MAD1L1: variants seen among roughly 807,000 people sequenced by gnomAD.
MAD1L1 encodes mitotic arrest deficient 1 like 1, also known as mitotic spindle assembly checkpoint protein MAD1.
Under a neutral mutation model 96.9 loss-of-function variants are expected in MAD1L1, and 95 were observed. The observed-to-expected ratio is 0.98, with a 90% CI of 0.83 to 1.16. MAD1L1 has a LOEUF of 1.16. Among genes scored for constraint, MAD1L1 ranks in the 50% most tolerant of loss-of-function variants. The pLI is 0.00. For synonymous variants in MAD1L1, 473 were observed against 396.6 expected, an observed-to-expected ratio of 1.19 and a Z score of -2.29; for missense variants, 1,007 against 954.4, an observed-to-expected ratio of 1.06 and a Z score of -0.73.
chr7:2,134,685 T>C (rs933214000), intron 11 of MAD1L1, among the ~76,000 whole-genome samples: 4 of 152,224 alleles, frequency 2.6e-5, no homozygotes, highest in Admixed American at 2.0e-4. Context: ...CAGAGCCCAA[T>C]TGTGTCCAGC....
At chr7:1,885,157 C>T (rs565706496) in intron 18 of MAD1L1, among the ~76,000 whole-genome samples, 158 of 152,232 alleles carry the variant, frequency 1.0e-3, no homozygotes, top group African/African-American at 3.6e-3. Context: ...GAAAGGACCT[C>T]GCTGCTCCAG....
At chr7:2,127,143 A>G (rs1562712113) in intron 11 of MAD1L1, among the ~76,000 whole-genome samples, 4 of 152,136 alleles carry the variant, frequency 2.6e-5, no homozygotes, top group Non-Finnish European at 5.9e-5. Flanking sequence ...TGCTGGCCTG[A>G]CCCGCTTGTT....
At chr7:1,972,203 C>T (rs1322378395) in intron 15 of MAD1L1, among the ~76,000 whole-genome samples, 2 of 152,192 alleles carry the variant, frequency 1.3e-5, no homozygotes, top group African/African-American at 4.8e-5. Flanking sequence ...GGAAGGCTCG[C>T]CCCGCTGTCC....
At chr7:1,886,832 G>C (rs1045556750) in intron 18 of MAD1L1, among the ~76,000 whole-genome samples, 1 of 152,250 alleles carries the variant, frequency 6.6e-6, no homozygotes, top group African/African-American at 2.4e-5. Flanking sequence ...ACAGGTCTGT[G>C]GCCCTAGCCC....
At chr7:2,070,924 T>C (rs1584250370) in intron 11 of MAD1L1, among the ~76,000 whole-genome samples, 1 of 152,066 alleles carries the variant, frequency 6.6e-6, no homozygotes, top group African/African-American at 2.4e-5. Flanking sequence ...TGGGCAGTGG[T>C]TTGGGGAAGG....
intron 12 of MAD1L1, among the ~76,000 whole-genome samples, chr7:2,052,253 C>T (rs558944829): frequency 6.6e-6 from 1 of 152,338 alleles, no homozygotes; most frequent in African/African-American, 2.4e-5. Context: ...ACTCCATATG[C>T]CAACAGGCTT....
intron 15 of MAD1L1, among the ~76,000 whole-genome samples, chr7:1,964,132 C>G (rs915954458): frequency 1.3e-5 from 2 of 152,184 alleles, no homozygotes; most frequent in Non-Finnish European, 2.9e-5. Context: ...GTGTTCCTGA[C>G]CCTCGCCTCC....
At chr7:1,920,721 A>T (rs1788735331) in intron 17 of MAD1L1, among the ~76,000 whole-genome samples, 1 of 152,196 alleles carries the variant, frequency 6.6e-6, no homozygotes, top group Non-Finnish European at 1.5e-5. Flanking sequence ...TCTTCCCAAC[A>T]CTTAGAAATG....
At chr7:2,189,299 C>G (rs1002561896) in intron 10 of MAD1L1, among the ~76,000 whole-genome samples, 9 of 152,214 alleles carry the variant, frequency 5.9e-5, no homozygotes, top group Non-Finnish European at 1.3e-4. Flanking sequence ...ACCACAGGAT[C>G]CAGCAGGTTG....
intron 10 of MAD1L1, among the ~76,000 whole-genome samples, chr7:2,162,995 C>G (rs1790241256): frequency 6.6e-6 from 1 of 152,144 alleles, no homozygotes; most frequent in Non-Finnish European, 1.5e-5. Flanking sequence ...TAATCTTTCA[C>G]TATTTGCTTT....
In MAD1L1 at chr7:1,950,343, C is replaced by T. The variant is rs554995993; in HGVS notation, c.1596+7286G>A. Among the ~76,000 whole-genome samples, 3 of 152,340 alleles carry T rather than the reference C, an allele frequency of 2.0e-5. No homozygotes were observed. The South Asian group carries it at 6.2e-4, about 32-fold the overall frequency. ...CCGTCCGTCCAGTGGCTCTGCCGCCCTCCTGCACGTCCCGCGCCACCTCGA... is the reference window on the plus strand; with the variant it reads ...CCGTCCGTCCAGTGGCTCTGCCGCCTTCCTGCACGTCCCGCGCCACCTCGA... On this transcript the variant is annotated intron_variant, in intron 16 of 18. Transcript: ENST00000265854.
chr7:2,169,203 G>A (rs1432979772), intron 10 of MAD1L1, among the ~76,000 whole-genome samples: 1 of 152,160 alleles, frequency 6.6e-6, no homozygotes, highest in Non-Finnish European at 1.5e-5. Context: ...TTCGCCTGCA[G>A]GACTGCACCT....
At chr7:1,844,584 G>A (rs937550983) in intron 18 of MAD1L1, among the ~76,000 whole-genome samples, 1 of 152,164 alleles carries the variant, frequency 6.6e-6, no homozygotes, top group African/African-American at 2.4e-5. Context: ...GCTGGCCCAG[G>A]AAGGTGCTCC....
intron 13 of MAD1L1, among the ~76,000 whole-genome samples, chr7:2,008,773 G>GT (rs1000587774): frequency 7.8e-6 from 1 of 127,398 alleles, no homozygotes; most frequent in East Asian, 2.3e-4. Flanking sequence ...GGAAGCTCAG[G>GT]GGGGGAAGGA....
intron 18 of MAD1L1, chr7:1,847,384 C>A (rs559231101): frequency 2.1e-6 from 1 of 471,006 alleles, no homozygotes; most frequent in Non-Finnish European, 4.4e-6. Flanking sequence ...TGCAGCGTTA[C>A]GTGACTTGGG....
intron 11 of MAD1L1, among the ~76,000 whole-genome samples, chr7:2,082,276 G>C (rs1038883154): frequency 1.3e-5 from 2 of 152,040 alleles, no homozygotes; most frequent in African/African-American, 4.8e-5. Flanking sequence ...GAAGGAGGGA[G>C]GGAAGGGAAG....
At chr7:2,064,089 C>T (rs1001620877) in intron 12 of MAD1L1, among the ~76,000 whole-genome samples, 2 of 152,148 alleles carry the variant, frequency 1.3e-5, no homozygotes, top group Non-Finnish European at 2.9e-5. Context: ...GGCCTGGCCT[C>T]GCGGCTAACC....
At chr7:2,060,426 C>CG (rs1291040344) in intron 12 of MAD1L1, among the ~76,000 whole-genome samples, 1 of 151,256 alleles carries the variant, frequency 6.6e-6, no homozygotes, top group East Asian at 2.0e-4. Context: ...TGCTGAGATA[C>CG]GCCGATGCTG....
Position 2,069,238 on chromosome 7 carries a change from C to G in MAD1L1, c.1174G>C (p.Ala392Pro), listed in dbSNP as rs1282487375. 1 of 1,611,404 alleles carries G rather than the reference C, an allele frequency of 6.2e-7. No homozygotes were observed. The highest frequency in any genetic ancestry group is 1.1e-5 in the South Asian group (1 of 90,790). ...CGTTTCTGGAGCCTCCGGGCCAGCG[C>G]CTCGTGGGTCTCGCGCTTCTTCCTC... ...EERKKRETHEALARRLQKRVL... is the reference protein window; with the variant it reads ...EERKKRETHEPLARRLQKRVL... The change falls in exon 12 of 19, where the codon GCG becomes CCG. Residue 392 changes from alanine (A) to proline (P), a missense_variant. By Grantham distance (27) the Ala-to-Pro change is conservative. Coordinates refer to ENST00000265854, the MANE Select transcript of MAD1L1 (RefSeq NM_001013836.2).
Sources: allele counts gnomAD v4.1 joint callset (sites outside exome capture counted in the v4.1 genomes callset), GRCh38; gene constraint gnomAD v4.1.1; transcripts MANE v1.5; gene names NCBI Gene and HGNC (gene_info 2026-07-23, HGNC 2026-07-21).